The following LAMB1 variants were observed in gnomAD, a reference collection of about 807,000 sequenced individuals.
The protein encoded by LAMB1 is laminin subunit beta-1.
LAMB1 carries 121 observed loss-of-function variants against 222.3 expected under a neutral mutation model. That is an observed-to-expected ratio of 0.54 (90% CI 0.47 to 0.63). LAMB1 has a LOEUF of 0.63. Ranked by LOEUF, LAMB1 falls within the 30% of genes least tolerant of loss-of-function variation. The probability of loss-of-function intolerance (pLI) is 0.00; values close to 1 mark genes in which losing one functional copy is unlikely to be tolerated. For synonymous variants in LAMB1, 794 were observed against 807.2 expected, an observed-to-expected ratio of 0.98 and a Z score of 0.28; for missense variants, 2,172 against 2,240.8, an observed-to-expected ratio of 0.97 and a Z score of 0.62.
chr7:107,939,043 AAC>A (rs1315801404), intron 25 of LAMB1, among the ~76,000 whole-genome samples: 1 of 152,156 alleles, frequency 6.6e-6, no homozygotes, highest in African/African-American at 2.4e-5. Context: ...TCGTCATATA[AAC>A]ACCTCAGTGT....
At chr7:107,940,677 C>T in intron 24 of LAMB1, 1 of 282,222 alleles carries the variant, frequency 3.5e-6, no homozygotes, top group Non-Finnish European at 6.8e-6. Flanking sequence ...ACTCAGAGAT[C>T]AGAGAGATTA....
At chr7:107,931,325 T>C in intron 29 of LAMB1, 31 bp downstream of exon 29, 1 of 1,539,700 alleles carries the variant, frequency 6.5e-7, no homozygotes, top group Non-Finnish European at 8.9e-7. Context: ...CAGAAACAAA[T>C]GTCTAAAAGT....
In LAMB1 at chr7:107,980,780, C is replaced by T; in HGVS notation, c.708G>A (p.Lys236=). The T allele has an allele frequency of 6.2e-7, 1 of 1,610,982 alleles. No homozygotes were observed. The part of the protein sequence containing the change: ...NLLKITNLRI[K]FVKLHTLGDN... ...CTCCCAAAGTATGCAGTTTCACAAA[C>T]TTGATTCTCAAGTTGGTAATTTTTA... The change falls in exon 8 of 34, where the codon AAG becomes AAA. Residue 236 remains lysine, a synonymous_variant. Transcript: ENST00000222399.
At chr7:107,965,266 A>G (rs1165816142) in intron 13 of LAMB1, among the ~76,000 whole-genome samples, 1 of 152,072 alleles carries the variant, frequency 6.6e-6, no homozygotes, top group Non-Finnish European at 1.5e-5. Flanking sequence ...CCCCCTTTCC[A>G]TTGGCTATGC....
At position 107,955,764 on chromosome 7, in the gene LAMB1, G is replaced by GCT. The variant is rs2033362819; in HGVS notation, c.2691-136_2691-135dup. On this transcript the variant is annotated intron_variant, in intron 20 of 33. Coordinates refer to ENST00000222399, the MANE Select transcript of LAMB1 (RefSeq NM_002291.3). ...CATGTTTTCTTTGAGACAGAATCTT[G>GCT]CTCTGTCACCCAGGCTGGAGTGCAG... 1.1e-5 allele frequency: 9 copies of GCT among 785,960 alleles called. 1 individual carries two copies. In the Admixed American group the frequency reaches 3.1e-4, roughly 27 times the overall value. 48.7% of individuals were successfully genotyped at this position (785,960 alleles called of 1,614,324 possible).
chr7:107,980,460 T>G (rs1334082856), intron 8 of LAMB1, 149 bp downstream of exon 8: 2 of 614,044 alleles, frequency 3.3e-6, no homozygotes, highest in Non-Finnish European at 2.9e-6. Flanking sequence ...AAATCAACAA[T>G]CAGCTACCTG....
rs911549194 is a variant in LAMB1, at chr7:107,929,556, G to A, written c.4601C>T (p.Pro1534Leu). 16 of 1,613,994 alleles carry A rather than the reference G, an allele frequency of 9.9e-6. No homozygotes were observed. Among genetic ancestry groups the A allele is most frequent in the Non-Finnish European group, 1.4e-5 (16 of 1,180,000 alleles). The change falls in exon 30 of 34, where the codon CCT (proline) becomes CTT (leucine). Residue 1534 changes from proline to leucine, a missense_variant. Pro to Leu is a moderately conservative substitution (Grantham distance 98). Transcript: ENST00000222399. Reference protein sequence around the residue: ...VANEVLKMEMPSTPQQLQNLT... With the variant: ...VANEVLKMEMLSTPQQLQNLT... The stretch of plus-strand genomic sequence containing the variant: ...GTTCTGTAACTGCTGTGGGGTGCTA[G>A]GCATCTCCATTTTCAATACTTCATT...
chr7:107,953,304 C>T (rs2033299347), intron 22 of LAMB1, among the ~76,000 whole-genome samples: 1 of 151,142 alleles, frequency 6.6e-6, no homozygotes, highest in South Asian at 2.1e-4. Context: ...TTATAGTGAG[C>T]TGAGATCATG....
At chr7:107,970,329 A>C (rs572953044) in intron 13 of LAMB1, among the ~76,000 whole-genome samples, 10 of 152,170 alleles carry the variant, frequency 6.6e-5, no homozygotes, top group African/African-American at 2.2e-4. Flanking sequence ...CTCTACTAAA[A>C]ATACAAAAAT....
chr7:107,984,440 G>C (rs2034034882), intron 7 of LAMB1, among the ~76,000 whole-genome samples: 1 of 152,166 alleles, frequency 6.6e-6, no homozygotes, highest in South Asian at 2.1e-4. Flanking sequence ...TAGAGACACG[G>C]TTTTACCATG....
At chr7:107,977,912 T>C in intron 9 of LAMB1, 135 bp downstream of exon 9, 1 of 875,016 alleles carries the variant, frequency 1.1e-6, no homozygotes, top group Non-Finnish European at 1.8e-6. Flanking sequence ...TGTCTAGGAG[T>C]ATCAGGGTGA....
intron 3 of LAMB1, among the ~76,000 whole-genome samples, chr7:107,999,206 T>G (rs2034336674): frequency 1.3e-5 from 2 of 152,232 alleles, no homozygotes. Flanking sequence ...AGCTTTGAAT[T>G]TCTCTTACTT....
intron 8 of LAMB1, among the ~76,000 whole-genome samples, chr7:107,978,580 T>G (rs1455139103): frequency 1.3e-5 from 2 of 152,196 alleles, no homozygotes; most frequent in Admixed American, 1.3e-4. Flanking sequence ...TTTATATTAC[T>G]GCACGATTTA....
intron 31 of LAMB1, among the ~76,000 whole-genome samples, chr7:107,927,438 C>T (rs1352301950): frequency 6.6e-6 from 1 of 152,092 alleles, no homozygotes; most frequent in Non-Finnish European, 1.5e-5. Context: ...ATTTGCTTTT[C>T]AGAACAATTT....
intron 26 of LAMB1, among the ~76,000 whole-genome samples, chr7:107,936,589 A>G (rs758459632): frequency 6.6e-6 from 1 of 152,208 alleles, no homozygotes; most frequent in Non-Finnish European, 1.5e-5. Context: ...TCCAAAAGCA[A>G]TCATGCATAA....
At chr7:107,933,029 TACAA>T (rs1459427273) in intron 27 of LAMB1, among the ~76,000 whole-genome samples, 1 of 152,116 alleles carries the variant, frequency 6.6e-6, no homozygotes, top group African/African-American at 2.4e-5. Flanking sequence ...AAGAAAACAG[TACAA>T]ACAAAGGAAC....
At chr7:107,987,721 A>G (rs1474509258) in intron 5 of LAMB1, among the ~76,000 whole-genome samples, 1 of 152,148 alleles carries the variant, frequency 6.6e-6, no homozygotes, top group Non-Finnish European at 1.5e-5. Context: ...AGGCTGGTTT[A>G]GAACTCCTGA....
intron 14 of LAMB1, 127 bp from the exon 15 acceptor site, chr7:107,963,190 G>A: frequency 1.2e-6 from 1 of 815,660 alleles, no homozygotes; most frequent in Admixed American, 2.8e-5. Flanking sequence ...ATTTTTTATA[G>A]TCAAATCTCC....
intron 24 of LAMB1, 48 bp from the exon 25 acceptor site, chr7:107,940,406 C>G (rs577094304): frequency 1.7e-5 from 27 of 1,565,832 alleles, no homozygotes; most frequent in Non-Finnish European, 2.3e-5. Flanking sequence ...TCATGAACCT[C>G]AGTGACAAGA....
Sources: allele counts gnomAD v4.1 joint callset (sites outside exome capture counted in the v4.1 genomes callset), GRCh38; gene constraint gnomAD v4.1.1; transcripts MANE v1.5; gene names NCBI Gene and HGNC (gene_info 2026-07-23, HGNC 2026-07-21).